The following NUP188 variants were observed in gnomAD, a reference collection of about 807,000 sequenced individuals.
NUP188 encodes nucleoporin 188.
In NUP188, 97 loss-of-function variants were observed where a neutral mutation model predicts 223.0. The ratio of observed to expected loss-of-function variants is 0.43; its 90% confidence interval spans 0.37 to 0.51. The LOEUF is 0.51. Ranked by LOEUF, NUP188 falls within the 20% of genes least tolerant of loss-of-function variation. The pLI, the probability that NUP188 is intolerant of heterozygous loss-of-function variation, is 0.00. For missense variants in NUP188, 1,947 were observed against 2,175.6 expected, an observed-to-expected ratio of 0.89 and a Z score of 2.09; for synonymous variants, 869 against 828.0, an observed-to-expected ratio of 1.05 and a Z score of -0.85.
At chr9:128,980,561 T>C in intron 13 of NUP188, 45 bp from the exon 14 acceptor site, 3 of 1,565,582 alleles carry the variant, frequency 1.9e-6, no homozygotes, top group South Asian at 1.2e-5. Flanking sequence ...AGATGTTAAT[T>C]TGTGGATAAT....
intron 43 of NUP188, 29 bp downstream of exon 43, chr9:129,006,397 G>C (rs72760505): frequency 1.2e-6 from 2 of 1,614,138 alleles, no homozygotes; most frequent in African/African-American, 1.3e-5. Flanking sequence ...ACGGAGGGCT[G>C]GACCAATAGG....
In NUP188 at chr9:129,005,731, G is replaced by C. The variant is rs1842779816; in HGVS notation, c.4824G>C (p.Gly1608=). 8.1e-6 allele frequency: 13 copies of C among 1,613,988 alleles called. No individual in the cohort carries two copies. The highest frequency in any genetic ancestry group is 9.3e-6 in the Non-Finnish European group (11 of 1,179,982). The change falls in exon 41 of 44, where the codon GGG becomes GGC. Residue 1608 remains glycine, a synonymous_variant. Coordinates refer to ENST00000372577, the MANE Select transcript of NUP188 (RefSeq NM_015354.3). ...ACTCCGAAGTGGCCCCCTCCTTCGGGACCCTTCTGGCCACAGTGAATGTGG... is the reference window on the plus strand; with the variant it reads ...ACTCCGAAGTGGCCCCCTCCTTCGGCACCCTTCTGGCCACAGTGAATGTGG... The part of the protein sequence containing the change: ...TFDSEVAPSF[G]TLLATVNVAL...
At chr9:128,963,854 T>C (rs892527369) in intron 8 of NUP188, among the ~76,000 whole-genome samples, 1 of 151,516 alleles carries the variant, frequency 6.6e-6, no homozygotes, top group East Asian at 1.9e-4. Context: ...TCTCACACTG[T>C]CGCCCAGGGT....
chr9:128,996,369 C>G (rs1458963241), intron 30 of NUP188, among the ~76,000 whole-genome samples: 1 of 152,106 alleles, frequency 6.6e-6, no homozygotes. Context: ...AGGCTGGTCT[C>G]GAACTCCTGA....
In NUP188 at chr9:128,983,142, T is replaced by C. The variant is rs571736968; in HGVS notation, c.1796+114T>C. 21 of 1,472,706 alleles carry C rather than the reference T, an allele frequency of 1.4e-5. No individual in the cohort carries two copies. In the Admixed American group the frequency reaches 1.7e-4, roughly 12 times the overall value. 91.2% of individuals were successfully genotyped at this position (1,472,706 alleles called of 1,614,324 possible). A position where few individuals can be genotyped will look rare whatever the true frequency, so the allele number is the denominator to read the frequency against. On this transcript the variant is annotated intron_variant, in intron 17 of 43. Transcript: ENST00000372577. ...TGGGTTAAAGTTCGCGCATATTCCT[T>C]GGTTTTCCTGTTTTTATATCTGTGA... is the stretch of plus-strand genomic sequence containing the variant.
Position 128,999,900 on chromosome 9 carries a change from G to A in NUP188, c.3843+95G>A, listed in dbSNP as rs187069462. 3.7e-3 allele frequency: 4,538 copies of A among 1,213,390 alleles called. 46 individuals carry two copies. The highest frequency in any genetic ancestry group is 2.8e-3 in the Non-Finnish European group (2,386 of 852,392). The allele number at this position is 1,213,390 out of a possible 1,614,324, so 75.2% of individuals were successfully genotyped here. A position where few individuals can be genotyped will look rare whatever the true frequency, so the allele number is the denominator to read the frequency against. On this transcript the variant is annotated intron_variant, in intron 34 of 43. Transcript: ENST00000372577. ...TAAGTAGTGATCAAGACAGATAGTC[G>A]CTGCACTTCTGGAGTTCACGGCCTG...
intron 9 of NUP188, 95 bp from the exon 10 acceptor site, chr9:128,969,305 G>T (rs1229717240): frequency 2.7e-6 from 2 of 742,478 alleles, no homozygotes; most frequent in Non-Finnish European, 2.3e-6. Context: ...GGCCCAATAG[G>T]TTTTTTTGAT....
At chr9:129,003,695 C>G in intron 38 of NUP188, 1 of 595,208 alleles carries the variant, frequency 1.7e-6, no homozygotes, top group Non-Finnish European at 3.0e-6. Flanking sequence ...GTTCAGATCC[C>G]TTAAGAATAC....
rs1841900015 is a variant in NUP188 at position 128,958,357 on chromosome 9, TC to T, written c.372+305del. 2.0e-5 allele frequency among the ~76,000 whole-genome samples: 3 copies of T among 152,242 alleles called. No individual in the cohort carries two copies. In the South Asian group the frequency reaches 6.2e-4, roughly 31 times the overall value. On this transcript the variant is annotated intron_variant, in intron 6 of 43. Coordinates refer to ENST00000372577, the MANE Select transcript of NUP188 (RefSeq NM_015354.3). ...TTATTTCTTTATTCTTCAGTCCCTT[TC>T]CAGCAACCTTCTCACTTAGGATCTC...
At chr9:128,982,500 AT>A in intron 15 of NUP188, 48 bp from the exon 16 acceptor site, 2 of 1,508,788 alleles carry the variant, frequency 1.3e-6, no homozygotes, top group Non-Finnish European at 1.8e-6. Context: ...GAGGAGTTAC[AT>A]TTTTTATTTA....
At chr9:128,966,941 G>C (rs1588274470) in intron 8 of NUP188, among the ~76,000 whole-genome samples, 1 of 152,208 alleles carries the variant, frequency 6.6e-6, no homozygotes, top group East Asian at 1.9e-4. Flanking sequence ...TGAGTGTATT[G>C]GTTGAATAAT....
chr9:128,969,911 G>A (rs550811343), intron 10 of NUP188, among the ~76,000 whole-genome samples: 3 of 151,834 alleles, frequency 2.0e-5, no homozygotes, highest in Admixed American at 2.0e-4. Context: ...GACTACAGGC[G>A]TGAGCCACCA....
chr9:128,955,057 G>A (rs559054221), intron 3 of NUP188, among the ~76,000 whole-genome samples: 1 of 151,704 alleles, frequency 6.6e-6, no homozygotes, highest in African/African-American at 2.4e-5. Flanking sequence ...CACCATATTG[G>A]TCAGGCTGGT....
At position 128,982,664 on chromosome 9, in the gene NUP188, C is replaced by T. The variant is rs139023578; in HGVS notation, c.1632C>T (p.Cys544=). The T allele has an allele frequency of 7.1e-5, 114 of 1,613,986 alleles. No individual in the cohort carries two copies. Among genetic ancestry groups the T allele is most frequent in the South Asian group, 5.8e-4 (53 of 91,062 alleles). Residue 544 remains cysteine (C), a synonymous_variant, in exon 16 of 44, where the codon TGC becomes TGT. Coordinates refer to ENST00000372577, the MANE Select transcript of NUP188 (RefSeq NM_015354.3). The part of the protein sequence containing the change: ...YSYSSWTLFT[C]EIEMLLHVVS... ...ATAGCAGCTGGACCCTCTTTACCTG[C>T]GAGATTGAAATGTTGCTTCATGTTG...
intron 12 of NUP188, among the ~76,000 whole-genome samples, chr9:128,977,463 A>C (rs2131161873): frequency 6.6e-6 from 1 of 152,174 alleles, no homozygotes; most frequent in Non-Finnish European, 1.5e-5. Flanking sequence ...CATTTATTAG[A>C]TTCCCTGTGT....
rs78650653 is a variant in NUP188, at chr9:129,000,237, G to A, written c.3843+432G>A. 2.5e-3 allele frequency among the ~76,000 whole-genome samples: 374 copies of A among 152,186 alleles called. 7 individuals carry two copies. In the East Asian group the frequency reaches 0.042, roughly 17 times the overall value. ...CTTCCAAAGTGTTGGGATTACAGGC[G>A]TGCCCAAGAAAGATCACTCTGGATG... On this transcript the variant is annotated intron_variant, in intron 34 of 43. Coordinates refer to ENST00000372577, the MANE Select transcript of NUP188 (RefSeq NM_015354.3).
intron 8 of NUP188, among the ~76,000 whole-genome samples, chr9:128,966,360 T>C (rs1260530398): frequency 6.6e-6 from 1 of 151,820 alleles, no homozygotes; most frequent in African/African-American, 2.4e-5. Flanking sequence ...GTCCAAATAT[T>C]GGATGTTTTT....
chr9:128,993,370 C>T lies in NUP188; in HGVS notation c.2814C>T (p.Asn938=), dbSNP rs746493477. The change falls in exon 26 of 44, where the codon AAC becomes AAT. Residue 938 remains asparagine, a synonymous_variant. Coordinates refer to ENST00000372577, the MANE Select transcript of NUP188 (RefSeq NM_015354.3). ...TQPGLIELFL[N]LEVKDGSDGS... Reference sequence around the variant, plus strand: ...CAGGCCTCATCGAACTGTTTCTGAACCTGGAAGTTAAGGATGGCAGTGATG... The same window carrying T: ...CAGGCCTCATCGAACTGTTTCTGAATCTGGAAGTTAAGGATGGCAGTGATG... 3 of 1,614,130 alleles carry T rather than the reference C, an allele frequency of 1.9e-6. No homozygotes were observed. Among genetic ancestry groups the T allele is most frequent in the Non-Finnish European group, 2.5e-6 (3 of 1,180,026 alleles).
Position 128,958,849 on chromosome 9 carries a change from C to T in NUP188, c.420C>T (p.Val140=). The T allele has an allele frequency of 6.2e-7, 1 of 1,602,370 alleles. No homozygotes were observed. The highest frequency in any genetic ancestry group is 8.5e-7 in the Non-Finnish European group (1 of 1,173,092). Residue 140 remains valine (V), a synonymous_variant, in exon 7 of 44, where the codon GTC becomes GTT. Transcript: ENST00000372577. The stretch of plus-strand genomic sequence containing the variant: ...AAAGAACCTGTATTCTTCGTTGTGT[C>T]TTACACCTTCTCACTTACTTCCAAG... ...YEERTCILRC[V]LHLLTYFQDE...
Sources: allele counts gnomAD v4.1 joint callset (sites outside exome capture counted in the v4.1 genomes callset), GRCh38; gene constraint gnomAD v4.1.1; transcripts MANE v1.5; gene names NCBI Gene and HGNC (gene_info 2026-07-23, HGNC 2026-07-21).